The following CPAMD8 variants were observed in gnomAD, a reference collection of about 807,000 sequenced individuals.
CPAMD8 encodes the protein C3 and PZP like alpha-2-macroglobulin domain containing 8.
Under a neutral mutation model 224.7 loss-of-function variants are expected in CPAMD8, and 146 were observed. That is an observed-to-expected ratio of 0.65 (90% CI 0.57 to 0.75). The LOEUF (loss-of-function observed/expected upper bound fraction) is 0.75. Among genes scored for constraint, CPAMD8 ranks in the 30% least tolerant of loss-of-function variants. The probability of loss-of-function intolerance (pLI) is 0.00; values close to 1 mark genes in which losing one functional copy is unlikely to be tolerated. For synonymous variants in CPAMD8, 966 were observed against 1,044.6 expected (o/e 0.92, Z 1.45); for missense variants, 2,301 against 2,537.5 (o/e 0.91, Z 2.00).
At chr19:17,011,006 G>C (rs938693260) in intron 5 of CPAMD8, among the ~76,000 whole-genome samples, 5 of 151,414 alleles carry the variant, frequency 3.3e-5, no homozygotes, top group African/African-American at 9.7e-5. Flanking sequence ...TTGGGTGACA[G>C]AGCAAGACTC....
intron 9 of CPAMD8, 149 bp downstream of exon 9, chr19:17,002,117 C>G: frequency 1.6e-6 from 1 of 612,438 alleles, no homozygotes; most frequent in Non-Finnish European, 3.0e-6. Context: ...GGGGCACACC[C>G]CAGGGAGGAG....
intron 18 of CPAMD8, among the ~76,000 whole-genome samples, chr19:16,964,964 C>CA (rs2054779743): frequency 6.6e-6 from 1 of 151,962 alleles, no homozygotes; most frequent in South Asian, 2.1e-4. Context: ...TCAATAGATG[C>CA]AAAAAAGGTC....
chr19:16,953,757 T>C (rs1004253358), intron 19 of CPAMD8, among the ~76,000 whole-genome samples: 6 of 151,462 alleles, frequency 4.0e-5, no homozygotes, highest in Non-Finnish European at 8.8e-5. Flanking sequence ...ATCCAGAATA[T>C]ATAGAGAACT....
chr19:16,981,664 G>A (rs769735421), intron 13 of CPAMD8, among the ~76,000 whole-genome samples: 23 of 152,150 alleles, frequency 1.5e-4, no homozygotes, highest in Admixed American at 3.9e-4. Flanking sequence ...GGGGGTTGGC[G>A]TGTGGCCATG....
At chr19:17,022,980 C>T (rs1201350230) in intron 1 of CPAMD8, among the ~76,000 whole-genome samples, 1 of 152,098 alleles carries the variant, frequency 6.6e-6, no homozygotes, top group Non-Finnish European at 1.5e-5. Flanking sequence ...GAAGTCAAGT[C>T]ACCAGCCGCA....
chr19:16,951,895 C>G (rs1339088106), intron 20 of CPAMD8, 74 bp downstream of exon 20: 2 of 949,972 alleles, frequency 2.1e-6, no homozygotes, highest in Non-Finnish European at 3.2e-6. Flanking sequence ...CCACCCCTGC[C>G]TACCTTATAG....
At chr19:17,008,955 G>A (rs767140038) in intron 6 of CPAMD8, among the ~76,000 whole-genome samples, 1 of 152,104 alleles carries the variant, frequency 6.6e-6, no homozygotes, top group East Asian at 1.9e-4. Context: ...AATTAGCTGG[G>A]TGTGGTGCCA....
In CPAMD8 at chr19:16,904,271, C is replaced by A; in HGVS notation, c.4206G>T (p.Trp1402Cys). The A allele has an allele frequency of 1.9e-6, 3 of 1,613,252 alleles. No individual in the cohort carries two copies. Among genetic ancestry groups the A allele is most frequent in the Non-Finnish European group, 2.5e-6 (3 of 1,179,976 alleles). ...CAAGTGCATTTCGCTGCTGGGACAG[C>A]CACTTCACCACAGGCAGGGCGGCAG... Reference protein sequence around the residue: ...DVAAALPVVKWLSQQRNALGG... With the variant: ...DVAAALPVVKCLSQQRNALGG... The change falls in exon 32 of 42, where the codon TGG becomes TGT. Residue 1402 changes from tryptophan (W) to cysteine (C), a missense_variant. Transcript: ENST00000443236.
Position 16,893,060 on chromosome 19 carries a change from G to A in CPAMD8, c.*48C>T, listed in dbSNP as rs765310796. ...ACAAGCTGGGTGTGTGGGTATGAAT[G>A]GTCCCCAGGACCAAACTGCGGTCCC... On this transcript the variant is annotated 3_prime_UTR_variant, in exon 42 of 42. Coordinates refer to ENST00000443236, the MANE Select transcript of CPAMD8 (RefSeq NM_015692.5). The A allele has an allele frequency of 1.2e-6, 1 of 854,984 alleles. No individual in the cohort carries two copies. Among genetic ancestry groups the A allele is most frequent in the Non-Finnish European group, 2.0e-6 (1 of 488,752 alleles). 53.0% of individuals were successfully genotyped at this position (854,984 alleles called of 1,614,324 possible).
chr19:16,982,225 C>T (rs184493149), intron 13 of CPAMD8, among the ~76,000 whole-genome samples: 6 of 152,194 alleles, frequency 3.9e-5, no homozygotes, highest in Admixed American at 3.3e-4. Flanking sequence ...GAAACCCCAT[C>T]TCTACAAAAA....
At chr19:16,958,623 T>G (rs1205654125) in intron 18 of CPAMD8, among the ~76,000 whole-genome samples, 1 of 152,114 alleles carries the variant, frequency 6.6e-6, no homozygotes, top group East Asian at 1.9e-4. Context: ...TTATATTCCT[T>G]TGAGTATATA....
intron 26 of CPAMD8, 47 bp downstream of exon 26, chr19:16,925,149 C>A (rs1223062152): frequency 1.2e-5 from 19 of 1,600,630 alleles, no homozygotes; most frequent in Non-Finnish European, 1.5e-5. Context: ...AAGGCTGAAC[C>A]TGCCTCCCTT....
rs140259370 is a variant in CPAMD8, at chr19:16,961,038, G to A, written c.2214-3123C>T. ...ATTTACATGGTTAAAAAAATATGTT[G>A]GGGCTATTCCAAGATGGCCAAATAG... On this transcript the variant is annotated intron_variant, in intron 18 of 41. Transcript: ENST00000443236. Among the ~76,000 whole-genome samples, 1,229 of 151,402 alleles carry A rather than the reference G, an allele frequency of 8.1e-3. 20 individuals carry two copies. The highest frequency in any genetic ancestry group is 0.028 in the African/African-American group (1,162 of 41,348).
chr19:16,906,407 T>C (rs8102821), intron 30 of CPAMD8, among the ~76,000 whole-genome samples: 24,818 of 69,154 alleles, frequency 0.36, 3,775 homozygotes, highest in Admixed American at 0.41. Context: ...TCTTTCTTTC[T>C]TTCCTTCCTT....
intron 20 of CPAMD8, among the ~76,000 whole-genome samples, chr19:16,948,294 G>A (rs1329486558): frequency 6.6e-6 from 1 of 152,202 alleles, no homozygotes; most frequent in Non-Finnish European, 1.5e-5. Flanking sequence ...CTGCAGGTGT[G>A]ATGTGGAGAG....
At chr19:17,017,842 C>T (rs1002203226) in intron 3 of CPAMD8, among the ~76,000 whole-genome samples, 4 of 152,036 alleles carry the variant, frequency 2.6e-5, no homozygotes, top group Admixed American at 2.6e-4. Context: ...ACCAGCCTGG[C>T]CAACATGATG....
At chr19:16,940,154 T>C (rs1374086733) in intron 22 of CPAMD8, among the ~76,000 whole-genome samples, 2 of 152,042 alleles carry the variant, frequency 1.3e-5, no homozygotes, top group African/African-American at 2.4e-5. Flanking sequence ...TCAGGTGATC[T>C]GCCTGCCTCA....
chr19:16,964,387 T>C (rs2054755600), intron 18 of CPAMD8, among the ~76,000 whole-genome samples: 1 of 152,130 alleles, frequency 6.6e-6, no homozygotes, highest in Admixed American at 6.6e-5. Context: ...AAATACAAAC[T>C]ACCATCAGAG....
intron 19 of CPAMD8, among the ~76,000 whole-genome samples, chr19:16,953,139 C>T (rs556375998): frequency 1.3e-5 from 2 of 152,228 alleles, no homozygotes; most frequent in East Asian, 1.9e-4. Context: ...TTAACAAATA[C>T]TGCTAGAAAA....
Sources: gnomAD v4.1 joint callset for allele counts (sites outside exome capture counted in the v4.1 genomes callset) on GRCh38, gnomAD v4.1.1 for gene constraint, MANE v1.5 for transcripts, NCBI Gene and HGNC (gene_info 2026-07-23, HGNC 2026-07-21) for gene names.